SLC25A42: variants seen among roughly 807,000 people sequenced by gnomAD.
SLC25A42 encodes the protein mitochondrial coenzyme A transporter SLC25A42.
Under a neutral mutation model 34.7 loss-of-function variants are expected in SLC25A42, and 19 were observed. That is an observed-to-expected ratio of 0.55 (90% CI 0.38 to 0.80). The LOEUF is 0.80. Ranked by LOEUF, SLC25A42 falls within the 30% of genes least tolerant of loss-of-function variation. The pLI is 0.00. For synonymous variants in SLC25A42, 205 were observed against 191.2 expected, an observed-to-expected ratio of 1.07 and a Z score of -0.59; for missense variants, 364 against 441.3, an observed-to-expected ratio of 0.82 and a Z score of 1.57.
At chr19:19,101,692 A>G (rs2059797087) in intron 2 of SLC25A42, 89 bp from the exon 3 acceptor site, 2 of 1,179,040 alleles carry the variant, frequency 1.7e-6, no homozygotes, top group Non-Finnish European at 2.4e-6. Flanking sequence ...GCCCCGGCCC[A>G]GAGGGTGTAA....
Position 19,076,593 on chromosome 19 carries a change from G to A in SLC25A42, c.-35+12478G>A, listed in dbSNP as rs927696117. Among the ~76,000 whole-genome samples the A allele has an allele frequency of 5.9e-5, 9 of 152,332 alleles. No individual in the cohort carries two copies. In the East Asian group the frequency reaches 1.5e-3, roughly 26 times the overall value. ...CCTGGGAATTACAAATGGCTTGCCT[G>A]CCCCACTCCCAGGTTTGGCATCCAT... On this transcript the variant is annotated intron_variant, in intron 1 of 7. Coordinates refer to ENST00000318596, the MANE Select transcript of SLC25A42 (RefSeq NM_178526.5).
chr19:19,092,065 G>A (rs1182077566), intron 1 of SLC25A42, among the ~76,000 whole-genome samples: 1 of 152,162 alleles, frequency 6.6e-6, no homozygotes, highest in Non-Finnish European at 1.5e-5. Context: ...CTCTTGTGCT[G>A]TGGGATCATG....
chr19:19,093,341 A>C (rs2059748014), intron 1 of SLC25A42, among the ~76,000 whole-genome samples: 1 of 152,034 alleles, frequency 6.6e-6, no homozygotes, highest in Non-Finnish European at 1.5e-5. Flanking sequence ...TTTACAGAAA[A>C]ATTGCAAAGG....
chr19:19,070,046 T>C (rs2059620972), intron 1 of SLC25A42, among the ~76,000 whole-genome samples: 1 of 152,100 alleles, frequency 6.6e-6, no homozygotes, highest in Non-Finnish European at 1.5e-5. Flanking sequence ...CAGGCTGGAG[T>C]GCAGTGGCAT....
intron 1 of SLC25A42, among the ~76,000 whole-genome samples, chr19:19,077,627 C>T (rs1000508472): frequency 2.0e-5 from 3 of 152,170 alleles, no homozygotes; most frequent in African/African-American, 7.2e-5. Context: ...GTGGCTCACA[C>T]GTGTAATCCC....
chr19:19,100,895 G>A (rs1406138292), intron 2 of SLC25A42, among the ~76,000 whole-genome samples: 1 of 152,214 alleles, frequency 6.6e-6, no homozygotes, highest in Non-Finnish European at 1.5e-5. Flanking sequence ...AAGCATTGCA[G>A]GCTGAGGCAG....
Position 19,111,009 on chromosome 19 carries a change from C to T in SLC25A42, c.*133C>T. The T allele has an allele frequency of 9.9e-7, 1 of 1,006,612 alleles. No homozygotes were observed. Among genetic ancestry groups the T allele is most frequent in the Non-Finnish European group, 1.4e-6 (1 of 692,304 alleles). 62.4% of individuals were successfully genotyped at this position (1,006,612 alleles called of 1,614,324 possible). On this transcript the variant is annotated 3_prime_UTR_variant, in exon 8 of 8. Transcript: ENST00000318596. ...CGCTTTATGGAACGAGCAGGTGGGC[C>T]TGAGGGGCCTGGGCTCAGAGTCCAC...
intron 1 of SLC25A42, among the ~76,000 whole-genome samples, chr19:19,088,989 G>C (rs891310093): frequency 2.6e-5 from 4 of 151,482 alleles, no homozygotes. Context: ...TGTATTTTTA[G>C]TAGAAACAGT....
intron 1 of SLC25A42, among the ~76,000 whole-genome samples, chr19:19,077,534 G>A (rs868036285): frequency 1.4e-4 from 21 of 152,250 alleles, no homozygotes; most frequent in South Asian, 4.1e-4. Flanking sequence ...AGCAGTTATC[G>A]ACATTTGGAT....
At position 19,110,576 on chromosome 19, in the gene SLC25A42, C is replaced by T; in HGVS notation, c.657C>T (p.Ser219=). 2.1e-6 allele frequency: 3 copies of T among 1,433,426 alleles called. No individual in the cohort carries two copies. Among genetic ancestry groups the T allele is most frequent in the Non-Finnish European group, 2.7e-6 (3 of 1,101,122 alleles). 88.8% of individuals were successfully genotyped at this position (1,433,426 alleles called of 1,614,324 possible). The change falls in exon 8 of 8, where the codon AGC becomes AGT. Residue 219 remains serine (S), a synonymous_variant. Coordinates refer to ENST00000318596, the MANE Select transcript of SLC25A42 (RefSeq NM_178526.5). ...CCGCCCCTCGCCCTGCAGAGTACAGCGGCCGCCGGCAGCCCTACCCCTTCG... is the reference window on the plus strand; with the variant it reads ...CCGCCCCTCGCCCTGCAGAGTACAGTGGCCGCCGGCAGCCCTACCCCTTCG... ...ETLKSLHREY[S]GRRQPYPFER...
In SLC25A42 at chr19:19,109,603, G is replaced by A. The variant is rs2059851953; in HGVS notation, c.650-966G>A. Among the ~76,000 whole-genome samples, 1 of 152,052 alleles carries A rather than the reference G, an allele frequency of 6.6e-6. No individual in the cohort carries two copies. Among genetic ancestry groups the A allele is most frequent in the African/African-American group, 2.4e-5 (1 of 41,412 alleles). ...CCACCACCACACCTGGCTAATTTTT[G>A]TGTGTTTTTGGTAGAGACAGGGTTT... On this transcript the variant is annotated intron_variant, in intron 7 of 7. Coordinates refer to ENST00000318596, the MANE Select transcript of SLC25A42 (RefSeq NM_178526.5). This position sits in a 1 kb window ranked among gnomAD's most constrained non-coding sequence, Gnocchi z 4.1.
Position 19,108,476 on chromosome 19 carries a change from G to C in SLC25A42, c.649+431G>C, listed in dbSNP as rs536890266. ...CGGTGGGAGGATCACCCAAGCCTGG[G>C]AGGTCAAGGCCGCAGTGAGCTGTGA... is the stretch of plus-strand genomic sequence containing the variant. On this transcript the variant is annotated intron_variant, in intron 7 of 7. Transcript: ENST00000318596. Among the ~76,000 whole-genome samples, 18 of 152,208 alleles carry C rather than the reference G, an allele frequency of 1.2e-4. No individual in the cohort carries two copies. In the Middle Eastern group the frequency reaches 0.01, roughly 86 times the overall value.
At chr19:19,068,279 C>T (rs991238164) in intron 1 of SLC25A42, among the ~76,000 whole-genome samples, 2 of 150,940 alleles carry the variant, frequency 1.3e-5, no homozygotes, top group African/African-American at 2.4e-5. Context: ...TGCTTGAACC[C>T]GGGAGTTGGA....
In SLC25A42 at chr19:19,067,324, C is replaced by T. The variant is rs184900765; in HGVS notation, c.-35+3209C>T. On this transcript the variant is annotated intron_variant, in intron 1 of 7. Coordinates refer to ENST00000318596, the MANE Select transcript of SLC25A42 (RefSeq NM_178526.5). ...ATTTGGGGCTGGATGCAGTGGTTCACACCACCCAACACTTTGGGTGGATGA... is the reference window on the plus strand; with the variant it reads ...ATTTGGGGCTGGATGCAGTGGTTCATACCACCCAACACTTTGGGTGGATGA... Among the ~76,000 whole-genome samples the T allele has an allele frequency of 2.6e-4, 40 of 152,286 alleles. No individual in the cohort carries two copies. The East Asian group carries it at 2.9e-3, about 11-fold the overall frequency.
intron 2 of SLC25A42, among the ~76,000 whole-genome samples, chr19:19,097,436 T>G (rs1364529171): frequency 1.3e-5 from 2 of 152,210 alleles, no homozygotes; most frequent in Non-Finnish European, 2.9e-5. Flanking sequence ...TTGCTCTGCA[T>G]GCCGGAGAGG....
At chr19:19,080,139 G>A (rs1216384990) in intron 1 of SLC25A42, among the ~76,000 whole-genome samples, 1 of 152,204 alleles carries the variant, frequency 6.6e-6, no homozygotes, top group Non-Finnish European at 1.5e-5. Flanking sequence ...GCACTGGGGT[G>A]GGATGGTGAG....
chr19:19,073,572 A>G (rs1436395193), intron 1 of SLC25A42, among the ~76,000 whole-genome samples: 1 of 149,650 alleles, frequency 6.7e-6, no homozygotes, highest in Non-Finnish European at 1.5e-5. Flanking sequence ...TGGTAAGAAC[A>G]TGGGGCTTTT....
At chr19:19,080,216 G>A (rs2059674201) in intron 1 of SLC25A42, among the ~76,000 whole-genome samples, 1 of 152,198 alleles carries the variant, frequency 6.6e-6, no homozygotes, top group Non-Finnish European at 1.5e-5. Context: ...TGCTCATCTG[G>A]TGAAGAGCAG....
chr19:19,082,858 C>G (rs1346644154), intron 1 of SLC25A42, among the ~76,000 whole-genome samples: 4 of 151,974 alleles, frequency 2.6e-5, no homozygotes, highest in Non-Finnish European at 5.9e-5. Context: ...CCCTCTGTCA[C>G]CCAGGCTAGA....
Sources: allele counts gnomAD v4.1 joint callset (sites outside exome capture counted in the v4.1 genomes callset), GRCh38; gene constraint gnomAD v4.1.1; non-coding constraint Gnocchi (gnomAD v3.1); transcripts MANE v1.5; gene names NCBI Gene and HGNC (gene_info 2026-07-23, HGNC 2026-07-21).